The following CTDP1 variants were observed in gnomAD, a reference collection of about 807,000 sequenced individuals.
The protein encoded by CTDP1 is CTD phosphatase 1, also known as RNA polymerase II subunit A C-terminal domain phosphatase.
In CTDP1, 47 loss-of-function variants were observed where a neutral mutation model predicts 91.8. That is an observed-to-expected ratio of 0.51 (90% CI 0.41 to 0.65). CTDP1 has a LOEUF of 0.65. CTDP1 is among the 30% of genes least tolerant of loss of function. CTDP1 has a pLI of 0.00. For missense variants in CTDP1, 1,272 were observed against 1,373.7 expected (o/e 0.93, Z 1.17); for synonymous variants, 656 against 598.5 (o/e 1.10, Z -1.40).
intron 10 of CTDP1, among the ~76,000 whole-genome samples, chr18:79,721,613 G>A (rs1420034260): frequency 6.6e-6 from 1 of 152,106 alleles, no homozygotes; most frequent in East Asian, 1.9e-4. Context: ...AAAATATCCA[G>A]GGGGGTGGCT....
chr18:79,714,937 G>A lies in CTDP1; in HGVS notation c.1477G>A (p.Gly493Arg). The A allele has an allele frequency of 6.4e-7, 1 of 1,563,564 alleles. No homozygotes were observed. The highest frequency in any genetic ancestry group is 8.7e-7 in the Non-Finnish European group (1 of 1,154,132). ...GRQKPKAAPE[G>R]AGALAQGSSL... ...GCAGAAGCCGAAGGCTGCCCCAGAGGGAGCCGGGGCGCTGGCACAGGGCAG... is the reference window on the plus strand; with the variant it reads ...GCAGAAGCCGAAGGCTGCCCCAGAGAGAGCCGGGGCGCTGGCACAGGGCAG... Residue 493 changes from glycine to arginine, a missense_variant, in exon 8 of 13, where the codon GGA becomes AGA. Physicochemically the swap from Gly to Arg is moderately radical, Grantham distance 125 (BLOSUM62 -2). Transcript: ENST00000613122.
chr18:79,697,899 C>T lies in CTDP1; in HGVS notation c.532C>T (p.His178Tyr). 6.2e-7 allele frequency: 1 copy of T among 1,614,236 alleles called. No individual in the cohort carries two copies. The highest frequency in any genetic ancestry group is 8.5e-7 in the Non-Finnish European group (1 of 1,180,040). Residue 178 changes from histidine to tyrosine, a missense_variant, in exon 4 of 13, where the codon CAC (histidine) becomes TAC (tyrosine). By Grantham distance (83) the His-to-Tyr change is moderately conservative. This residue lies in a region of CTDP1 where 177 missense variants were observed against 283.0 expected (regional missense o/e 0.63). Transcript: ENST00000613122. The part of the protein sequence containing the change: ...QLGREDQQRL[H>Y]RNRKLVLMVD... The stretch of plus-strand genomic sequence containing the variant: ...GGGAAGAGAAGACCAGCAGCGACTG[C>T]ACCGAAACCGGAAGCTGGTGCTCAT...
chr18:79,750,185 AT>A (rs879458789), intron 12 of CTDP1, among the ~76,000 whole-genome samples: 70 of 146,820 alleles, frequency 4.8e-4, no homozygotes, highest in East Asian at 3.9e-4. Flanking sequence ...GTGCGCGGAG[AT>A]TTTTTTTTTT....
intron 3 of CTDP1, among the ~76,000 whole-genome samples, chr18:79,696,398 G>A (rs2085747729): frequency 6.6e-6 from 1 of 152,206 alleles, no homozygotes; most frequent in Non-Finnish European, 1.5e-5. Flanking sequence ...CCTAACTGGG[G>A]AGGGATGTGA....
intron 1 of CTDP1, among the ~76,000 whole-genome samples, chr18:79,688,841 C>G (rs1156607248): frequency 1.3e-5 from 2 of 152,264 alleles, no homozygotes; most frequent in African/African-American, 2.4e-5. Flanking sequence ...CACCCAGCCA[C>G]TCTGGCTCTT....
chr18:79,717,526 C>T lies in CTDP1; in HGVS notation c.2069-9C>T, dbSNP rs771027117. The stretch of plus-strand genomic sequence containing the variant: ...CCGGAACAGCCTGACGCAGCCGGGT[C>T]TCCTGCAGGCACAGAGAAGGTGCTG... On this transcript the variant is annotated splice_polypyrimidine_tract_variant and intron_variant, in intron 8 of 12. Transcript: ENST00000613122. 49 of 1,612,338 alleles carry T rather than the reference C, an allele frequency of 3.0e-5. No homozygotes were observed. In the South Asian group the frequency reaches 5.1e-4, roughly 17 times the overall value.
At chr18:79,718,782 C>G (rs1466180006) in intron 10 of CTDP1, among the ~76,000 whole-genome samples, 2 of 152,150 alleles carry the variant, frequency 1.3e-5, no homozygotes, top group African/African-American at 4.8e-5. Flanking sequence ...AAACTTGACC[C>G]AGGCAAGGAG....
chr18:79,707,201 C>G (rs981885375), intron 5 of CTDP1, among the ~76,000 whole-genome samples: 3 of 152,226 alleles, frequency 2.0e-5, no homozygotes, highest in South Asian at 2.1e-4. Flanking sequence ...GGGCTACACC[C>G]TTGCCACCCG....
intron 11 of CTDP1, among the ~76,000 whole-genome samples, chr18:79,734,528 C>T (rs1398361393): frequency 2.0e-5 from 3 of 151,058 alleles, no homozygotes; most frequent in African/African-American, 7.4e-5. Flanking sequence ...ACGTGCCGGG[C>T]TGCCCTGCCT....
intron 12 of CTDP1, among the ~76,000 whole-genome samples, chr18:79,737,772 C>T (rs1253894903): frequency 6.6e-6 from 1 of 152,140 alleles, no homozygotes; most frequent in Admixed American, 6.5e-5. Flanking sequence ...TGCGTCTCTT[C>T]TTGCCTCCGC....
At chr18:79,749,730 C>T (rs2086958364) in intron 12 of CTDP1, 1 of 152,248 alleles carries the variant, frequency 6.6e-6, no homozygotes, top group South Asian at 2.1e-4. Context: ...CGGGACACCC[C>T]TCACGGCAGC....
In CTDP1 at chr18:79,747,759, C is replaced by G. The variant is rs564390094; in HGVS notation, c.2748-5893C>G. On this transcript the variant is annotated intron_variant, in intron 12 of 12. Transcript: ENST00000613122. The stretch of plus-strand genomic sequence containing the variant: ...GGGTTTTTTAGTGACGTGGCGGCCT[C>G]ACGGTGAGCAGCACTGGTCTTCCCT... Among the ~76,000 whole-genome samples the G allele has an allele frequency of 3.3e-5, 5 of 152,296 alleles. No homozygotes were observed. In the South Asian group the frequency reaches 1.0e-3, roughly 32 times the overall value.
At chr18:79,685,764 G>A (rs556073951) in intron 1 of CTDP1, among the ~76,000 whole-genome samples, 5 of 152,290 alleles carry the variant, frequency 3.3e-5, no homozygotes, top group East Asian at 1.9e-4. Context: ...GTCAGTGCAC[G>A]AACGTCGTCA....
At chr18:79,748,808 G>C (rs967544547) in intron 12 of CTDP1, among the ~76,000 whole-genome samples, 2 of 151,870 alleles carry the variant, frequency 1.3e-5, no homozygotes, top group Non-Finnish European at 2.9e-5. Context: ...GTGACTGCCT[G>C]GGAGCCGTGT....
chr18:79,727,456 C>T (rs774879910), intron 10 of CTDP1, among the ~76,000 whole-genome samples: 17 of 151,226 alleles, frequency 1.1e-4, no homozygotes, highest in Non-Finnish European at 2.1e-4. Flanking sequence ...TCACGGTGTT[C>T]GTGGGATGGG....
intron 12 of CTDP1, among the ~76,000 whole-genome samples, chr18:79,749,003 C>T (rs561578721): frequency 6.6e-6 from 1 of 152,330 alleles, no homozygotes. Context: ...CGGTTCAGGT[C>T]CTGTGGCACC....
intron 8 of CTDP1, 26 bp from the exon 9 acceptor site, chr18:79,717,509 G>A (rs2086239004): frequency 6.2e-7 from 1 of 1,610,940 alleles, no homozygotes; most frequent in African/African-American, 1.3e-5. Flanking sequence ...GGCCGGAACA[G>A]CCTGACGCAG....
intron 1 of CTDP1, among the ~76,000 whole-genome samples, chr18:79,683,401 A>G (rs913971843): frequency 6.6e-6 from 1 of 152,336 alleles, no homozygotes; most frequent in East Asian, 1.9e-4. Context: ...AGAATCCACA[A>G]CTGCTTTTGT....
chr18:79,730,132 T>A (rs937586750), intron 11 of CTDP1, among the ~76,000 whole-genome samples: 1 of 152,260 alleles, frequency 6.6e-6, no homozygotes. Flanking sequence ...AGACCCTTTT[T>A]TGAGGTGTGC....
Sources: allele counts gnomAD v4.1 joint callset (sites outside exome capture counted in the v4.1 genomes callset), GRCh38; gene constraint gnomAD v4.1.1; regional missense constraint gnomAD v4.1.1; transcripts MANE v1.5; gene names NCBI Gene and HGNC (gene_info 2026-07-23, HGNC 2026-07-21).